The following RFLNA variants were observed in gnomAD, a reference collection of about 807,000 sequenced individuals.
RFLNA encodes refilin A.
In RFLNA, 5 loss-of-function variants were observed where a neutral mutation model predicts 7.8. The observed-to-expected ratio is 0.64, with a 90% CI of 0.34 to 1.35. The LOEUF is 1.35. RFLNA is among the 40% of genes most tolerant of loss of function. RFLNA has a pLI of 0.04. For missense variants in RFLNA, 278 were observed against 305.5 expected, an observed-to-expected ratio of 0.91 and a Z score of 0.67; for synonymous variants, 141 against 131.3, an observed-to-expected ratio of 1.07 and a Z score of -0.50.
intron 1 of RFLNA, among the ~76,000 whole-genome samples, chr12:124,304,984 G>T (rs2034113353): frequency 1.3e-5 from 2 of 151,512 alleles, no homozygotes; most frequent in Non-Finnish European, 2.9e-5. Flanking sequence ...ACATCTTTTG[G>T]GGAGTGTGTA....
At chr12:124,313,621 G>A (rs946018446) in intron 2 of RFLNA, among the ~76,000 whole-genome samples, 9 of 151,606 alleles carry the variant, frequency 5.9e-5, no homozygotes, top group South Asian at 2.1e-4. Context: ...GGAGCTTGCA[G>A]AGAGCCGAGA....
In RFLNA at chr12:124,304,166, G is replaced by A. The variant is rs150929937; in HGVS notation, c.208-7652G>A. Among the ~76,000 whole-genome samples the A allele has an allele frequency of 4.3e-3, 662 of 152,378 alleles. 6 individuals are homozygous for A. The highest frequency in any genetic ancestry group is 0.015 in the African/African-American group (616 of 41,588). ...GTTTCGATGTTCGAATAGCCCTGCA[G>A]CCAGAAAGACGAAGCTGCGAGCCTC... On this transcript the variant is annotated intron_variant, in intron 1 of 2. Coordinates refer to ENST00000546355, the MANE Select transcript of RFLNA (RefSeq NM_001365156.1).
At chr12:124,309,489 G>C (rs754549247) in intron 1 of RFLNA, among the ~76,000 whole-genome samples, 1 of 152,248 alleles carries the variant, frequency 6.6e-6, no homozygotes, top group Non-Finnish European at 1.5e-5. Flanking sequence ...GCGTTCTGCT[G>C]TGGCCGCGAG....
In RFLNA at chr12:124,306,802, CGGCGG is replaced by C. The variant is rs2034144872; in HGVS notation, c.208-5013_208-5009del. 6.6e-6 allele frequency among the ~76,000 whole-genome samples: 1 copy of C among 152,056 alleles called. No individual in the cohort carries two copies. Among genetic ancestry groups the C allele is most frequent in the Admixed American group, 6.5e-5 (1 of 15,268 alleles). On this transcript the variant is annotated intron_variant, in intron 1 of 2. Transcript: ENST00000546355. This position sits in a 1 kb window ranked among gnomAD's most constrained non-coding sequence, Gnocchi z 5.2. ...CTCATTGTCCAGGCAGGTATGGGGG[CGGCGG>C]GGAGGGGACAGATGTAGGAGATATC...
At chr12:124,297,494 CCCATGAAG>C (rs1433545218) in intron 1 of RFLNA, among the ~76,000 whole-genome samples, 4 of 152,132 alleles carry the variant, frequency 2.6e-5, no homozygotes, top group African/African-American at 9.7e-5. Context: ...TCACTATATT[CCCATGAAG>C]CCTACACTCC....
At position 124,295,590 on chromosome 12, in the gene RFLNA, G is replaced by T. The variant is rs1042972535; in HGVS notation, c.161G>T (p.Gly54Val). 1.8e-4 allele frequency: 224 copies of T among 1,225,676 alleles called. No homozygotes were observed. Among genetic ancestry groups the T allele is most frequent in the Non-Finnish European group, 2.2e-4 (219 of 984,950 alleles). 75.9% of individuals were successfully genotyped at this position (1,225,676 alleles called of 1,614,324 possible). ...APGILDARAGGAGASSEPPGP... is the reference protein window; with the variant it reads ...APGILDARAGVAGASSEPPGP... Reference sequence around the variant, plus strand: ...GGCATCCTCGACGCGCGCGCGGGGGGCGCCGGCGCCTCCTCGGAGCCCCCG... The same window carrying T: ...GGCATCCTCGACGCGCGCGCGGGGGTCGCCGGCGCCTCCTCGGAGCCCCCG... Residue 54 changes from glycine to valine, a missense_variant, in exon 1 of 3, where the codon GGC (glycine) becomes GTC (valine). Coordinates refer to ENST00000546355, the MANE Select transcript of RFLNA (RefSeq NM_001365156.1).
upstream of RFLNA, among the ~76,000 whole-genome samples, chr12:124,294,876 G>T (rs950801372): frequency 5.9e-5 from 9 of 152,250 alleles, no homozygotes; most frequent in African/African-American, 2.2e-4. Flanking sequence ...GACCCCACAA[G>T]GCACCCTCGG....
At chr12:124,308,316 G>A (rs1278370349) in intron 1 of RFLNA, among the ~76,000 whole-genome samples, 3 of 152,176 alleles carry the variant, frequency 2.0e-5, no homozygotes, top group Non-Finnish European at 4.4e-5. Flanking sequence ...ACCAGTCATT[G>A]GCTTTAGGGC....
intron 1 of RFLNA, among the ~76,000 whole-genome samples, chr12:124,304,305 G>A (rs1056381045): frequency 7.2e-5 from 11 of 152,242 alleles, no homozygotes; most frequent in Non-Finnish European, 1.2e-4. Context: ...CCAGGCCCAC[G>A]GGACGCCAGC....
Position 124,314,924 on chromosome 12 carries a change from TC to T in RFLNA, c.*404del, listed in dbSNP as rs1357529731. On this transcript the variant is annotated 3_prime_UTR_variant, in exon 3 of 3. Transcript: ENST00000546355. ...CTCAGCCGGTGGGGACGGCTGCCAC[TC>T]CCCCAGAGCCCTGCCACCCCATGTG... 1.4e-5 allele frequency: 5 copies of T among 368,608 alleles called. No individual in the cohort carries two copies. In the East Asian group the frequency reaches 3.5e-4, roughly 26 times the overall value. The allele number at this position is 368,608 out of a possible 1,614,324, so 22.8% of individuals were successfully genotyped here. A position where few individuals can be genotyped will look rare whatever the true frequency, so the allele number is the denominator to read the frequency against.
At chr12:124,290,563 C>T (rs1199563272), upstream of RFLNA, among the ~76,000 whole-genome samples, 1 of 151,352 alleles carries the variant, frequency 6.6e-6, no homozygotes, top group African/African-American at 2.4e-5. The surrounding 1 kb of genome is among the most constrained non-coding windows in gnomAD (Gnocchi z 4.0). Context: ...TATGTGTGTA[C>T]ATGTATATGT....
intron 1 of RFLNA, among the ~76,000 whole-genome samples, chr12:124,307,452 C>T (rs1224620198): frequency 1.3e-5 from 2 of 152,240 alleles, no homozygotes; most frequent in South Asian, 2.1e-4. Flanking sequence ...CAGTCACACT[C>T]CTGCGCCCCT....
At chr12:124,308,507 CGT>C (rs1566327276) in intron 1 of RFLNA, among the ~76,000 whole-genome samples, 7 of 152,252 alleles carry the variant, frequency 4.6e-5, no homozygotes, top group Admixed American at 4.6e-4. Context: ...GGTGTCCATG[CGT>C]TGACCCTCGC....
chr12:124,311,247 C>T (rs2034238282), intron 1 of RFLNA, among the ~76,000 whole-genome samples: 1 of 152,218 alleles, frequency 6.6e-6, no homozygotes, highest in South Asian at 2.1e-4. Flanking sequence ...GCTGGGTAGG[C>T]CCTCCCTGCC....
chr12:124,296,127 TC>T (rs767930644), intron 1 of RFLNA, among the ~76,000 whole-genome samples: 1,108 of 5,324 alleles, frequency 0.21, 435 homozygotes, highest in Middle Eastern at 0.75. Flanking sequence ...TTTCTTTCTC[TC>T]TCTCTCTCTC....
At chr12:124,301,777 G>T (rs2034042707) in intron 1 of RFLNA, among the ~76,000 whole-genome samples, 1 of 152,176 alleles carries the variant, frequency 6.6e-6, no homozygotes, top group African/African-American at 2.4e-5. Flanking sequence ...TGTGCAAAGT[G>T]ATTCTTGTGC....
rs1015039171 is a variant in RFLNA at position 124,306,573 on chromosome 12, G to A, written c.208-5245G>A. ...CGGGACCTGGAGCCGCACCAGCAGC[G>A]TTCCAGCCCTGACCTGCCTCTTCCA... On this transcript the variant is annotated intron_variant, in intron 1 of 2. Transcript: ENST00000546355. This position sits in a 1 kb window ranked among gnomAD's most constrained non-coding sequence, Gnocchi z 5.2. 1.3e-5 allele frequency among the ~76,000 whole-genome samples: 2 copies of A among 152,176 alleles called. No individual in the cohort carries two copies. The highest frequency in any genetic ancestry group is 2.1e-4 in the South Asian group (1 of 4,834).
At chr12:124,300,785 T>TTGAC (rs1566322923) in intron 1 of RFLNA, among the ~76,000 whole-genome samples, 10 of 119,242 alleles carry the variant, frequency 8.4e-5, no homozygotes, top group East Asian at 3.9e-4. Flanking sequence ...GACGGATGGA[T>TTGAC]GGATGGATGG....
At chr12:124,298,004 C>A (rs1319553614) in intron 1 of RFLNA, among the ~76,000 whole-genome samples, 1 of 152,238 alleles carries the variant, frequency 6.6e-6, no homozygotes, top group Non-Finnish European at 1.5e-5. Flanking sequence ...CTGCGCCTCG[C>A]GGCTGAGGGT....
Sources: gnomAD v4.1 joint callset for allele counts (sites outside exome capture counted in the v4.1 genomes callset) on GRCh38, gnomAD v4.1.1 for gene constraint, Gnocchi (gnomAD v3.1) non-coding constraint, MANE v1.5 for transcripts, NCBI Gene and HGNC (gene_info 2026-07-23, HGNC 2026-07-21) for gene names.